Variants in TCEA3 observed in about 807,000 individuals in gnomAD.
TCEA3 encodes the protein transcription elongation factor A3.
A neutral mutation model predicts 44.0 loss-of-function variants in TCEA3; 36 were observed. That is an observed-to-expected ratio of 0.82 (90% confidence interval 0.63 to 1.08). The LOEUF (loss-of-function observed/expected upper bound fraction) is 1.08, where lower values mean the gene tolerates loss of function less well. TCEA3 is among the 50% of genes least tolerant of loss of function. The pLI is 0.00. For missense variants in TCEA3, 392 were observed against 441.2 expected (o/e 0.89, Z 1.00); for synonymous variants, 162 against 159.7 (o/e 1.01, Z -0.11).
rs998592813 is a variant in TCEA3 at position 23,420,580 on chromosome 1, G to T, written c.70-1441C>A. Among the ~76,000 whole-genome samples, 9 of 152,156 alleles carry T rather than the reference G, an allele frequency of 5.9e-5. No homozygotes were observed. In the South Asian group the frequency reaches 6.2e-4, roughly 11 times the overall value. On this transcript the variant is annotated intron_variant, in intron 1 of 10. Transcript: ENST00000450454. ...TTTAAATTCATTCACCGGTTGATGG[G>T]ACTTATGGATAGGTTCCAGTTTGGG...
intron 7 of TCEA3, among the ~76,000 whole-genome samples, chr1:23,396,621 C>T (rs1639223475): frequency 6.6e-6 from 1 of 152,132 alleles, no homozygotes. Flanking sequence ...ACAGTCCCTG[C>T]CTCACAGAGA....
intron 5 of TCEA3, among the ~76,000 whole-genome samples, chr1:23,399,788 G>C (rs1639345700): frequency 6.6e-6 from 1 of 151,366 alleles, no homozygotes; most frequent in African/African-American, 2.4e-5. Context: ...TGATTCTCCT[G>C]CCTCAGCCTA....
In TCEA3 at chr1:23,394,720, C is replaced by A. The variant is rs1639166716; in HGVS notation, c.665-687G>T. 2.0e-5 allele frequency among the ~76,000 whole-genome samples: 3 copies of A among 152,364 alleles called. No individual in the cohort carries two copies. The South Asian group carries it at 6.2e-4, about 32-fold the overall frequency. On this transcript the variant is annotated intron_variant, in intron 7 of 10. Transcript: ENST00000450454. ...GGAATTGCTGGTCAGAGTTACTTCT[C>A]CCATTAACAGATGAGGAAGCTGGGG...
At chr1:23,407,432 T>C (rs756932856) in intron 5 of TCEA3, among the ~76,000 whole-genome samples, 1 of 151,988 alleles carries the variant, frequency 6.6e-6, no homozygotes, top group Non-Finnish European at 1.5e-5. Flanking sequence ...AGCTCCAGCT[T>C]TACTCATTCC....
Position 23,391,237 on chromosome 1 carries a change from C to G in TCEA3, c.819+2642G>C, listed in dbSNP as rs190101887. On this transcript the variant is annotated intron_variant, in intron 8 of 10. Transcript: ENST00000450454. ...AAGCGATTCTCCTGCCTCAGCCTCC[C>G]GAGTAGCTGGGACTACAGGTGTGTG... Among the ~76,000 whole-genome samples, 63 of 150,164 alleles carry G rather than the reference C, an allele frequency of 4.2e-4. No individual in the cohort carries two copies. The East Asian group carries it at 0.012, about 28-fold the overall frequency.
In TCEA3 at chr1:23,419,112, G is replaced by T. The variant is rs776302810; in HGVS notation, c.97C>A (p.Leu33Met). 27 of 1,594,934 alleles carry T rather than the reference G, an allele frequency of 1.7e-5. No individual in the cohort carries two copies. The South Asian group carries it at 3.0e-4, about 17-fold the overall frequency. ...TGGATGGACATCTGGCAGCTGTGCA[G>T]CTTCTTCAGAAGGTCCAGGGCCCCT... ...TEGALDLLKKLHSCQMSIQLL... is the reference protein window; with the variant it reads ...TEGALDLLKKMHSCQMSIQLL... Residue 33 changes from leucine to methionine, a missense_variant, in exon 2 of 11, where the codon CTG becomes ATG. Leu to Met is a conservative substitution (Grantham distance 15, BLOSUM62 2). Coordinates refer to ENST00000450454, the MANE Select transcript of TCEA3 (RefSeq NM_003196.3).
At chr1:23,396,257 A>G (rs1639212450) in intron 7 of TCEA3, among the ~76,000 whole-genome samples, 1 of 152,108 alleles carries the variant, frequency 6.6e-6, no homozygotes, top group Admixed American at 6.6e-5. Context: ...GGAGCCCTCA[A>G]AAGGGTCGCT....
intron 8 of TCEA3, among the ~76,000 whole-genome samples, chr1:23,392,638 ACACACACACTCCACACATCATACACAC>A (rs1277257444): frequency 2.2e-3 from 6 of 2,718 alleles, no homozygotes; most frequent in African/African-American, 6.6e-3. Context: ...CACACATCAT[ACACACACACTCCACACATCATACACAC>A]CACACACACT....
chr1:23,392,306 TCA>T (rs1263304405), intron 8 of TCEA3, among the ~76,000 whole-genome samples: 1 of 137,356 alleles, frequency 7.3e-6, no homozygotes, highest in East Asian at 2.1e-4. Context: ...CATATGCTAA[TCA>T]CACACCACAC....
At chr1:23,413,144 T>A (rs551612487) in intron 4 of TCEA3, among the ~76,000 whole-genome samples, 1 of 152,304 alleles carries the variant, frequency 6.6e-6, no homozygotes, top group East Asian at 1.9e-4. Context: ...ATGTTCTTTT[T>A]TTCTTTTTTT....
chr1:23,393,940 A>T lies in TCEA3; in HGVS notation c.758T>A (p.Leu253Gln), dbSNP rs1639139388. 6.2e-7 allele frequency: 1 copy of T among 1,613,966 alleles called. No homozygotes were observed. The highest frequency in any genetic ancestry group is 8.5e-7 in the Non-Finnish European group (1 of 1,179,886). ...SNLKDPRNPG[L>Q]RRNVLSGAIS... ...GGCCCCACTGAGCACGTTCCGCCGC[A>T]GGCCGGGGTTCCTGGGGTCCTTGAG... The change falls in exon 8 of 11, where the codon CTG (leucine) becomes CAG (glutamine). Residue 253 changes from leucine to glutamine, a missense_variant. Physicochemically the swap from Leu to Gln is moderately radical, Grantham distance 113 (BLOSUM62 -2). Transcript: ENST00000450454.
chr1:23,387,585 T>C (rs1638888443), intron 8 of TCEA3, among the ~76,000 whole-genome samples, 166 bp from the exon 9 acceptor site: 1 of 152,248 alleles, frequency 6.6e-6, no homozygotes, highest in Non-Finnish European at 1.5e-5. Context: ...GGGAGAAAGC[T>C]GTCCCCGCAG....
intron 10 of TCEA3, among the ~76,000 whole-genome samples, chr1:23,383,149 C>T (rs187371453): frequency 9.2e-5 from 14 of 151,712 alleles, no homozygotes; most frequent in African/African-American, 2.2e-4. Flanking sequence ...GTGTGGTGGC[C>T]GGCGCCTTTA....
At chr1:23,411,281 C>T (rs1013455320) in intron 4 of TCEA3, among the ~76,000 whole-genome samples, 34 of 152,168 alleles carry the variant, frequency 2.2e-4, no homozygotes, top group Admixed American at 1.7e-3. Context: ...CTCAGCCTCC[C>T]GAGTAGCTGG....
Position 23,387,311 on chromosome 1 carries a change from A to C in TCEA3, c.928T>G (p.Cys310Gly). The C allele has an allele frequency of 6.2e-7, 1 of 1,613,800 alleles. No homozygotes were observed. The highest frequency in any genetic ancestry group is 8.5e-7 in the Non-Finnish European group (1 of 1,179,838). ...TGGTTTDLFQ[C>G]SKCKKKNCTY... ...CAGTTCTTCTTCTTGCATTTGCTGC[A>C]CTGGAAGAGGTCAGTGGTGGTGCCG... The change falls in exon 9 of 11, where the codon TGC becomes GGC. Residue 310 changes from cysteine to glycine, a missense_variant. Transcript: ENST00000450454.
At chr1:23,424,488 A>G (rs1414905491) in intron 1 of TCEA3, 77 bp downstream of exon 1, 1 of 1,376,600 alleles carries the variant, frequency 7.3e-7, no homozygotes, top group Non-Finnish European at 1.0e-6. Context: ...CCCCGCCAGT[A>G]CGTCCCCACC....
At chr1:23,419,823 G>A (rs1042745467) in intron 1 of TCEA3, among the ~76,000 whole-genome samples, 12 of 152,190 alleles carry the variant, frequency 7.9e-5, no homozygotes, top group Non-Finnish European at 1.6e-4. Flanking sequence ...GTGACAGAGC[G>A]AGACTCCAAC....
intron 4 of TCEA3, among the ~76,000 whole-genome samples, chr1:23,415,777 G>A (rs1340541188): frequency 6.6e-6 from 1 of 152,148 alleles, no homozygotes; most frequent in Non-Finnish European, 1.5e-5. Flanking sequence ...TTCCAAGTAG[G>A]ATACACTTGC....
At chr1:23,397,234 G>A (rs949066889) in intron 7 of TCEA3, among the ~76,000 whole-genome samples, 4 of 152,144 alleles carry the variant, frequency 2.6e-5, no homozygotes, top group Non-Finnish European at 5.9e-5. Context: ...ACTGTTAGCT[G>A]TATGGGCTTT....
Sources: allele counts gnomAD v4.1 joint callset (sites outside exome capture counted in the v4.1 genomes callset), GRCh38; gene constraint gnomAD v4.1.1; transcripts MANE v1.5; gene names NCBI Gene and HGNC (gene_info 2026-07-23, HGNC 2026-07-21).